PIK3CB: variants seen among roughly 807,000 people sequenced by gnomAD.
The protein encoded by PIK3CB is phosphatidylinositol-4,5-bisphosphate 3-kinase catalytic subunit beta, also known as phosphatidylinositol 4,5-bisphosphate 3-kinase catalytic subunit beta isoform.
A neutral mutation model predicts 136.8 loss-of-function variants in PIK3CB; 39 were observed. The observed-to-expected ratio is 0.29, with a 90% CI of 0.22 to 0.37. PIK3CB has a LOEUF of 0.37. PIK3CB is among the 10% of genes least tolerant of loss of function. The pLI is 1.00. For missense variants in PIK3CB, 868 were observed against 1,275.4 expected (o/e 0.68, Z 4.87); for synonymous variants, 428 against 436.6 (o/e 0.98, Z 0.25).
rs566014364 is a variant in PIK3CB at position 138,673,728 on chromosome 3, C to A, written c.2504+8239G>T. ...ACACATACACACACACACACCCCAA[C>A]GTGAATCTGTTTTGTTTTACCATGG... On this transcript the variant is annotated intron_variant, in intron 19 of 23. Transcript: ENST00000674063. 3.9e-5 allele frequency among the ~76,000 whole-genome samples: 6 copies of A among 152,174 alleles called. No individual in the cohort carries two copies. In the East Asian group the frequency reaches 1.2e-3, roughly 29 times the overall value.
intron 8 of PIK3CB, among the ~76,000 whole-genome samples, chr3:138,718,395 A>G (rs2044656292): frequency 6.6e-6 from 1 of 152,082 alleles, no homozygotes. Context: ...ATTTGTTTAA[A>G]TTCCTTATAG....
intron 2 of PIK3CB, among the ~76,000 whole-genome samples, chr3:138,764,453 A>G (rs571021218): frequency 6.6e-6 from 1 of 151,534 alleles, no homozygotes; most frequent in Non-Finnish European, 1.5e-5. Context: ...ATGTCTCAAA[A>G]AGTAAAATAA....
chr3:138,826,228 T>A lies in PIK3CB; in HGVS notation c.-122+8467A>T, dbSNP rs1311043837. The A allele has an allele frequency of 2.0e-6, 3 of 1,495,902 alleles. No individual in the cohort carries two copies. The African/African-American group carries it at 4.1e-5, about 21-fold the overall frequency. The allele number at this position is 1,495,902 out of a possible 1,614,324, so 92.7% of individuals were successfully genotyped here. On this transcript the variant is annotated intron_variant, in intron 1 of 23. Transcript: ENST00000674063. ...CTGGGTCATTTTGCTGCTCGTGATA[T>A]GAAACAGAGTTGCCGTGGGTGTCAT...
chr3:138,681,697 G>A (rs1258463669), intron 19 of PIK3CB, among the ~76,000 whole-genome samples: 1 of 152,138 alleles, frequency 6.6e-6, no homozygotes, highest in African/African-American at 2.4e-5. Flanking sequence ...CAACACCATA[G>A]GTTGGAATGT....
At position 138,737,893 on chromosome 3, in the gene PIK3CB, G is replaced by C. The variant is rs375356845; in HGVS notation, c.622-7C>G. ...CTTGAAAGCTAAACACGTCCTGAAG[G>C]GGGAGGGAGATGGGGAAAAAAGCAG... On this transcript the variant is annotated splice_polypyrimidine_tract_variant and splice_region_variant and intron_variant, in intron 5 of 23. Coordinates refer to ENST00000674063, the MANE Select transcript of PIK3CB (RefSeq NM_006219.3). 3.2e-6 allele frequency: 5 copies of C among 1,560,750 alleles called. No individual in the cohort carries two copies. Among genetic ancestry groups the C allele is most frequent in the Non-Finnish European group, 4.3e-6 (5 of 1,149,980 alleles).
intron 18 of PIK3CB, among the ~76,000 whole-genome samples, chr3:138,683,351 CAAAA>C (rs1011302197): frequency 2.1e-4 from 14 of 65,184 alleles, no homozygotes; most frequent in African/African-American, 4.9e-4. Context: ...GACCCTGTCT[CAAAA>C]AAAAAAAAAA....
At chr3:138,798,027 G>GA (rs2046127622) in intron 1 of PIK3CB, among the ~76,000 whole-genome samples, 1 of 152,122 alleles carries the variant, frequency 6.6e-6, no homozygotes, top group Non-Finnish European at 1.5e-5. Flanking sequence ...ATTCTTAAGT[G>GA]AAAAACACAC....
intron 1 of PIK3CB, among the ~76,000 whole-genome samples, chr3:138,815,562 C>G (rs374544488): frequency 6.6e-6 from 1 of 151,910 alleles, no homozygotes; most frequent in Non-Finnish European, 1.5e-5. Context: ...TAAAGCAGTT[C>G]TACACCTACA....
intron 9 of PIK3CB, among the ~76,000 whole-genome samples, chr3:138,713,760 C>A (rs1355023478): frequency 6.6e-6 from 1 of 152,032 alleles, no homozygotes; most frequent in Non-Finnish European, 1.5e-5. Context: ...ATGTCCCTAT[C>A]CCCACCAAAA....
At chr3:138,811,240 CA>C (rs558228212) in intron 1 of PIK3CB, among the ~76,000 whole-genome samples, 459 of 23,402 alleles carry the variant, frequency 0.02, no homozygotes, top group Admixed American at 0.049. Flanking sequence ...AAGACTCTGC[CA>C]AAAAAAAAAA....
intron 19 of PIK3CB, among the ~76,000 whole-genome samples, chr3:138,676,980 G>C (rs773814866): frequency 6.6e-6 from 1 of 151,732 alleles, no homozygotes; most frequent in African/African-American, 2.4e-5. Flanking sequence ...CTAAACCAGT[G>C]AATTGTGATA....
At chr3:138,720,218 A>G (rs888740669) in intron 8 of PIK3CB, among the ~76,000 whole-genome samples, 3 of 152,086 alleles carry the variant, frequency 2.0e-5, no homozygotes, top group Non-Finnish European at 4.4e-5. Flanking sequence ...ACACAATCTC[A>G]CGATGCCACC....
intron 8 of PIK3CB, among the ~76,000 whole-genome samples, chr3:138,717,972 T>C (rs1029689405): frequency 4.6e-5 from 7 of 152,220 alleles, no homozygotes; most frequent in African/African-American, 1.7e-4. Context: ...TCTTTGCAAT[T>C]GTGAATAGTG....
At chr3:138,725,168 A>G (rs2044810443) in intron 8 of PIK3CB, among the ~76,000 whole-genome samples, 1 of 151,842 alleles carries the variant, frequency 6.6e-6, no homozygotes. Context: ...AGAAATATGC[A>G]TTTATACTCC....
intron 1 of PIK3CB, among the ~76,000 whole-genome samples, chr3:138,828,242 A>G (rs13072968): frequency 6.9e-6 from 1 of 145,682 alleles, no homozygotes; most frequent in African/African-American, 2.6e-5. Context: ...CTGGAGTGCA[A>G]TGGCGCGATC....
chr3:138,719,620 C>A (rs557749264), intron 8 of PIK3CB, among the ~76,000 whole-genome samples: 2 of 152,180 alleles, frequency 1.3e-5, no homozygotes, highest in South Asian at 2.1e-4. Flanking sequence ...TTCTCATATT[C>A]CCAATTACTT....
chr3:138,736,712 T>C (rs1455620408), intron 6 of PIK3CB, among the ~76,000 whole-genome samples: 2 of 152,186 alleles, frequency 1.3e-5, no homozygotes, highest in African/African-American at 2.4e-5. Flanking sequence ...CAGTGCCGTA[T>C]AGAAGCATAT....
intron 19 of PIK3CB, among the ~76,000 whole-genome samples, chr3:138,670,989 C>T (rs542514320): frequency 2.0e-5 from 3 of 152,136 alleles, no homozygotes; most frequent in South Asian, 4.2e-4. Context: ...GTATTTTAGG[C>T]ACCATTATAC....
At chr3:138,679,195 G>A (rs1160787600) in intron 19 of PIK3CB, among the ~76,000 whole-genome samples, 1 of 152,052 alleles carries the variant, frequency 6.6e-6, no homozygotes, top group Non-Finnish European at 1.5e-5. Flanking sequence ...CCTACGAAGT[G>A]ACAAATCAAA....
Sources: allele counts gnomAD v4.1 joint callset (sites outside exome capture counted in the v4.1 genomes callset), GRCh38; gene constraint gnomAD v4.1.1; transcripts MANE v1.5; gene names NCBI Gene and HGNC (gene_info 2026-07-23, HGNC 2026-07-21).